The following EVC2 variants were observed in gnomAD, a reference collection of about 807,000 sequenced individuals.
EVC2 encodes the protein limbin.
EVC2 carries 148 observed loss-of-function variants against 149.3 expected under a neutral mutation model. The ratio of observed to expected loss-of-function variants is 0.99; its 90% CI spans 0.87 to 1.14. The LOEUF (loss-of-function observed/expected upper bound fraction) is 1.14. Among genes scored for constraint, EVC2 ranks in the 50% most tolerant of loss-of-function variants. The pLI is 0.00. For synonymous variants in EVC2, 776 were observed against 649.9 expected, an observed-to-expected ratio of 1.19 and a Z score of -2.95; for missense variants, 1,854 against 1,627.3, an observed-to-expected ratio of 1.14 and a Z score of -2.40.
At chr4:5,584,420 G>A (rs1457994140) in intron 17 of EVC2, among the ~76,000 whole-genome samples, 1 of 152,202 alleles carries the variant, frequency 6.6e-6, no homozygotes, top group Non-Finnish European at 1.5e-5. Flanking sequence ...CAAAAGGGTT[G>A]CTTCTCAGAG....
At position 5,636,714 on chromosome 4, in the gene EVC2, T is replaced by C. The variant is rs1716910442; in HGVS notation, c.1470+3800A>G. On this transcript the variant is annotated intron_variant, in intron 10 of 21. Coordinates refer to ENST00000344408, the MANE Select transcript of EVC2 (RefSeq NM_147127.5). The surrounding 1 kb of genome is among the most constrained non-coding windows in gnomAD (Gnocchi z 4.6). ...CTGGGTATCAAGGGAGGGATGACTGTACTGTACTAAACTTTACTCAGGAAA... is the reference window on the plus strand; with the variant it reads ...CTGGGTATCAAGGGAGGGATGACTGCACTGTACTAAACTTTACTCAGGAAA... 6.6e-6 allele frequency among the ~76,000 whole-genome samples: 1 copy of C among 152,160 alleles called. No individual in the cohort carries two copies. Among genetic ancestry groups the C allele is most frequent in the African/African-American group, 2.4e-5 (1 of 41,446 alleles).
At chr4:5,639,915 C>T (rs1276063346) in intron 10 of EVC2, among the ~76,000 whole-genome samples, 1 of 152,170 alleles carries the variant, frequency 6.6e-6, no homozygotes, top group Non-Finnish European at 1.5e-5. Context: ...ATGGAAGAAC[C>T]ATGTCTCATT....
rs145625694 is a variant in EVC2, at chr4:5,544,609, A to C, written c.3420-1397T>G. On this transcript the variant is annotated intron_variant and NMD_transcript_variant, in intron 21 of 22. Coordinates refer to the EVC2 transcript ENST00000475313. ...AGGGAAGAGTAGACTCCCATAATTC[A>C]AAAAAAATGAAACAGCTTCAGGACA... Among the ~76,000 whole-genome samples, 910 of 152,066 alleles carry C rather than the reference A, an allele frequency of 6.0e-3. 6 individuals are homozygous for C. The highest frequency in any genetic ancestry group is 0.01 in the Non-Finnish European group (709 of 67,968).
chr4:5,643,907 T>A (rs955369719), intron 9 of EVC2, among the ~76,000 whole-genome samples: 1 of 152,088 alleles, frequency 6.6e-6, no homozygotes, highest in African/African-American at 2.4e-5. Context: ...TAAAAAAAAA[T>A]TAAAACAATC....
At chr4:5,572,220 G>A (rs1722683473) in intron 19 of EVC2, among the ~76,000 whole-genome samples, 1 of 152,160 alleles carries the variant, frequency 6.6e-6, no homozygotes, top group African/African-American at 2.4e-5. Flanking sequence ...ATCCTACCTG[G>A]TGCCTGCTGC....
At chr4:5,669,884 A>T (rs945222187) in intron 7 of EVC2, among the ~76,000 whole-genome samples, 46 of 152,192 alleles carry the variant, frequency 3.0e-4, no homozygotes, top group African/African-American at 9.4e-4. Flanking sequence ...AAGAGGGAAA[A>T]ACCAGGGCCA....
rs73065621 is a variant in EVC2, at chr4:5,655,686, C to T, written c.1145+7421G>A. ...TGCTGAGAGCCTCAGAGGCAGAGCA[C>T]GCACACACAGCCCCTGGCATGGACC... On this transcript the variant is annotated intron_variant, in intron 9 of 21. Transcript: ENST00000344408. 1.4e-3 allele frequency among the ~76,000 whole-genome samples: 216 copies of T among 150,152 alleles called. 2 individuals are homozygous for T. Among genetic ancestry groups the T allele is most frequent in the African/African-American group, 4.7e-3 (190 of 40,694 alleles).
At chr4:5,638,283 GGAGGCT>G (rs1430702284) in intron 10 of EVC2, among the ~76,000 whole-genome samples, 1 of 152,034 alleles carries the variant, frequency 6.6e-6, no homozygotes, top group East Asian at 1.9e-4. Flanking sequence ...CAGCTACTCG[GGAGGCT>G]GAGGCAAGAG....
intron 1 of EVC2, among the ~76,000 whole-genome samples, chr4:5,705,880 T>C (rs546970204): frequency 6.6e-6 from 1 of 152,056 alleles, no homozygotes; most frequent in East Asian, 1.9e-4. Context: ...GGGAATAAAA[T>C]GCATTCCCAG....
chr4:5,561,759 G>A (rs958718921), downstream of EVC2, among the ~76,000 whole-genome samples: 1 of 152,128 alleles, frequency 6.6e-6, no homozygotes, highest in African/African-American at 2.4e-5. Context: ...AGTAAAATGG[G>A]AATAGGGATA....
intron 3 of EVC2, among the ~76,000 whole-genome samples, chr4:5,694,009 T>C (rs1171399909): frequency 1.3e-5 from 2 of 152,250 alleles, no homozygotes; most frequent in East Asian, 3.8e-4. Flanking sequence ...AAATGTTCAC[T>C]GCTATTATGG....
chr4:5,589,690 T>C (rs1030304261), intron 16 of EVC2, among the ~76,000 whole-genome samples: 2 of 152,192 alleles, frequency 1.3e-5, no homozygotes, highest in Non-Finnish European at 2.9e-5. Context: ...GGGATCAGTT[T>C]TGTCTGCTGT....
intron 9 of EVC2, among the ~76,000 whole-genome samples, chr4:5,642,954 A>G (rs576861743): frequency 2.1e-4 from 32 of 152,316 alleles, no homozygotes; most frequent in African/African-American, 7.5e-4. Context: ...TTTACCCATG[A>G]ACACCTCACT....
intron 13 of EVC2, among the ~76,000 whole-genome samples, chr4:5,624,189 A>T (rs563467382): frequency 1.0e-3 from 155 of 152,254 alleles, no homozygotes; most frequent in African/African-American, 3.5e-3. Flanking sequence ...CCGTGGTGGG[A>T]AAAAAATTGA....
chr4:5,645,962 G>A (rs999933748), intron 9 of EVC2, among the ~76,000 whole-genome samples: 10 of 152,116 alleles, frequency 6.6e-5, no homozygotes, highest in African/African-American at 2.2e-4. Flanking sequence ...TCTCGCTCTT[G>A]TTGCCCAGGC....
At chr4:5,544,417 C>T (rs933652495) in intron 21 of EVC2, among the ~76,000 whole-genome samples, 88 of 152,274 alleles carry the variant, frequency 5.8e-4, no homozygotes, top group Non-Finnish European at 1.1e-3. Context: ...CATGCTACCC[C>T]CCACACACAT....
chr4:5,542,930 G>A (rs370357087), intron 22 of EVC2: 103 of 348,048 alleles, frequency 3.0e-4, no homozygotes, highest in African/African-American at 1.8e-3. Flanking sequence ...CAGCAGCATC[G>A]GTAACCAATG....
rs529734379 is a variant in EVC2 at position 5,551,442 on chromosome 4, C to A, written c.3420-8230G>T. The stretch of plus-strand genomic sequence containing the variant: ...CTTGCATGGGGCCTGTAGCCCCTCT[C>A]TTTTGGTCAATTTCTCCCATTTGGA... On this transcript the variant is annotated intron_variant and NMD_transcript_variant, in intron 21 of 22. Coordinates refer to the EVC2 transcript ENST00000475313. Among the ~76,000 whole-genome samples, 7 of 152,366 alleles carry A rather than the reference C, an allele frequency of 4.6e-5. No individual in the cohort carries two copies. In the South Asian group the frequency reaches 8.3e-4, roughly 18 times the overall value.
At position 5,613,110 on chromosome 4, in the gene EVC2, T is replaced by C. The variant is rs944902864; in HGVS notation, c.2829+2312A>G. On this transcript the variant is annotated intron_variant, in intron 16 of 21. Coordinates refer to ENST00000344408, the MANE Select transcript of EVC2 (RefSeq NM_147127.5). This position sits in a 1 kb window ranked among gnomAD's most constrained non-coding sequence, Gnocchi z 4.6. ...TCTGCATCACCTTCTCACTCAGACATTCATCCTGTGACTCTGCTCCAAGGG... is the reference window on the plus strand; with the variant it reads ...TCTGCATCACCTTCTCACTCAGACACTCATCCTGTGACTCTGCTCCAAGGG... Among the ~76,000 whole-genome samples the C allele has an allele frequency of 6.6e-6, 1 of 151,902 alleles. No homozygotes were observed. The highest frequency in any genetic ancestry group is 1.5e-5 in the Non-Finnish European group (1 of 67,974).
Sources: gnomAD v4.1 joint callset for allele counts (sites outside exome capture counted in the v4.1 genomes callset) on GRCh38, gnomAD v4.1.1 for gene constraint, Gnocchi (gnomAD v3.1) non-coding constraint, MANE v1.5 for transcripts, NCBI Gene and HGNC (gene_info 2026-07-23, HGNC 2026-07-21) for gene names.